KIAA1217: variants seen among roughly 807,000 people sequenced by gnomAD.
KIAA1217 encodes the protein KIAA1217.
KIAA1217 carries 88 observed loss-of-function variants against 163.9 expected under a neutral mutation model. The observed-to-expected ratio is 0.54, with a 90% CI of 0.45 to 0.64. KIAA1217 has a LOEUF of 0.64. Among genes scored for constraint, KIAA1217 ranks in the 30% least tolerant of loss-of-function variants. KIAA1217 has a pLI of 0.00. For synonymous variants in KIAA1217, 903 were observed against 923.1 expected (o/e 0.98, Z 0.39); for missense variants, 2,372 against 2,475.0 (o/e 0.96, Z 0.88).
At chr10:23,794,729 A>G (rs1340730472) in intron 1 of KIAA1217, among the ~76,000 whole-genome samples, 2 of 152,232 alleles carry the variant, frequency 1.3e-5, no homozygotes, top group Non-Finnish European at 2.9e-5. Flanking sequence ...TAAATGTGTA[A>G]TGGATCACCT....
intron 3 of KIAA1217, among the ~76,000 whole-genome samples, chr10:24,418,892 C>T (rs369767422): frequency 6.6e-6 from 1 of 151,458 alleles, no homozygotes; most frequent in Non-Finnish European, 1.5e-5. Flanking sequence ...TTAAGAAAAT[C>T]TCTGCTGGGT....
At chr10:24,391,333 CTTTTTTTTTT>C (rs768727392) in intron 3 of KIAA1217, among the ~76,000 whole-genome samples, 6 of 29,890 alleles carry the variant, frequency 2.0e-4, no homozygotes, top group African/African-American at 1.0e-3. Context: ...TTCTTTCTTT[CTTTTTTTTTT>C]TTTTTTTTTT....
intron 2 of KIAA1217, among the ~76,000 whole-genome samples, chr10:24,263,975 A>T (rs2075962540): frequency 6.6e-6 from 1 of 152,044 alleles, no homozygotes; most frequent in Non-Finnish European, 1.5e-5. Flanking sequence ...CCCCTGCCTT[A>T]GCCTCCCGAG....
At chr10:24,042,394 G>A (rs900421352) in intron 2 of KIAA1217, 3 of 152,166 alleles carry the variant, frequency 2.0e-5, no homozygotes, top group Non-Finnish European at 2.9e-5. Context: ...AACAGCTTAG[G>A]TGAGAAGATT....
Position 23,811,415 on chromosome 10 carries a change from A to G in KIAA1217, c.-321+116181A>G, listed in dbSNP as rs147028476. 1.9e-3 allele frequency among the ~76,000 whole-genome samples: 285 copies of G among 151,098 alleles called. 14 individuals carry two copies. In the East Asian group the frequency reaches 0.027, roughly 14 times the overall value. ...GGGACTGGAGAGGGAAAAAAGGGGA[A>G]CTCAGTTTTGGCCAAAATGCTCCAT... On this transcript the variant is annotated intron_variant, in intron 1 of 18. Coordinates refer to the KIAA1217 transcript ENST00000376462.
chr10:23,916,785 A>AAT (rs1292625521), intron 1 of KIAA1217, among the ~76,000 whole-genome samples: 2 of 152,008 alleles, frequency 1.3e-5, no homozygotes, highest in African/African-American at 2.4e-5. Context: ...CACCCTGGCT[A>AAT]ATATGGTGAA....
In KIAA1217 at chr10:23,812,733, A is replaced by G. The variant is rs28534890; in HGVS notation, c.-321+117499A>G. On this transcript the variant is annotated intron_variant, in intron 1 of 18. Transcript: ENST00000376462. ...TCCAGCACTAGTTTACCATTCACTT[A>G]TTTTCTTTCACAGTAGATTTGTCTA... Among the ~76,000 whole-genome samples the G allele has an allele frequency of 7.1e-3, 1,074 of 152,056 alleles. 19 individuals are homozygous for G. Among genetic ancestry groups the G allele is most frequent in the African/African-American group, 0.025 (1,031 of 41,456 alleles).
chr10:24,499,711 A>G (rs1311527713), intron 8 of KIAA1217, among the ~76,000 whole-genome samples: 1 of 152,068 alleles, frequency 6.6e-6, no homozygotes, highest in East Asian at 1.9e-4. Flanking sequence ...CAGCCTGGAC[A>G]AGACAGAGCG....
In KIAA1217 at chr10:24,209,248, A is replaced by G. The variant is rs201449304; in HGVS notation, c.55A>G (p.Arg19Gly). 4.7e-5 allele frequency: 76 copies of G among 1,613,614 alleles called. No homozygotes were observed. Among genetic ancestry groups the G allele is most frequent in the Middle Eastern group, 3.3e-4 (2 of 6,056 alleles). ...CEPCLPYSADRRQMQEQGKGN... is the reference protein window; with the variant it reads ...CEPCLPYSADGRQMQEQGKGN... ...GCCGTGCCTTCCTTACTCAGCAGACAGAAGACAGATGCAGGGTAAGTAACA... is the reference window on the plus strand; with the variant it reads ...GCCGTGCCTTCCTTACTCAGCAGACGGAAGACAGATGCAGGGTAAGTAACA... Residue 19 changes from arginine to glycine, a missense_variant, in exon 1 of 21, where the codon AGA becomes GGA. Arg to Gly is a moderately radical substitution (Grantham distance 125). Transcript: ENST00000376454.
chr10:24,517,010 A>T (rs773828150), intron 10 of KIAA1217, among the ~76,000 whole-genome samples: 34 of 152,106 alleles, frequency 2.2e-4, no homozygotes, highest in South Asian at 4.2e-4. Flanking sequence ...TCTACAAAAT[A>T]AAAATTAAAA....
At chr10:24,263,830 T>C (rs1241495307) in intron 2 of KIAA1217, among the ~76,000 whole-genome samples, 1 of 152,162 alleles carries the variant, frequency 6.6e-6, no homozygotes, top group African/African-American at 2.4e-5. Context: ...AGGATAATTA[T>C]AGATACTCTA....
At chr10:24,094,902 C>G (rs183894828) in intron 2 of KIAA1217, among the ~76,000 whole-genome samples, 3 of 152,194 alleles carry the variant, frequency 2.0e-5, no homozygotes, top group African/African-American at 7.2e-5. Flanking sequence ...TCGAGCTTCC[C>G]GGCTGCTTTG....
intron 2 of KIAA1217, among the ~76,000 whole-genome samples, chr10:24,201,864 G>C (rs2067273047): frequency 6.6e-6 from 1 of 152,188 alleles, no homozygotes; most frequent in African/African-American, 2.4e-5. Context: ...CAAAGCAGGG[G>C]CTACAGTGAG....
At chr10:24,058,068 A>G (rs1202920828) in intron 2 of KIAA1217, among the ~76,000 whole-genome samples, 1 of 152,138 alleles carries the variant, frequency 6.6e-6, no homozygotes, top group Non-Finnish European at 1.5e-5. Flanking sequence ...TTGAGTTGAC[A>G]TTTTTGTACA....
At chr10:24,388,271 C>A (rs2054306354) in intron 3 of KIAA1217, among the ~76,000 whole-genome samples, 1 of 152,218 alleles carries the variant, frequency 6.6e-6, no homozygotes, top group Non-Finnish European at 1.5e-5. Context: ...ACTGTCTGAT[C>A]TTTGACAAAC....
intron 2 of KIAA1217, among the ~76,000 whole-genome samples, chr10:24,316,168 C>G (rs1223717131): frequency 6.6e-6 from 1 of 152,116 alleles, no homozygotes; most frequent in East Asian, 1.9e-4. Flanking sequence ...GCTGTGTGTA[C>G]TCCAACAGGT....
intron 2 of KIAA1217, among the ~76,000 whole-genome samples, chr10:24,288,446 A>G (rs1483536737): frequency 1.3e-5 from 2 of 152,232 alleles, no homozygotes; most frequent in African/African-American, 4.8e-5. Context: ...CCATGCCTTC[A>G]GCAAGCACAT....
intron 2 of KIAA1217, among the ~76,000 whole-genome samples, chr10:24,150,061 A>G (rs1365786344): frequency 6.6e-6 from 1 of 152,094 alleles, no homozygotes; most frequent in Non-Finnish European, 1.5e-5. Context: ...TTTGTTGCCC[A>G]GCGTAGAGTG....
chr10:24,444,417 T>TC (rs142222707), intron 5 of KIAA1217, among the ~76,000 whole-genome samples: 1,877 of 152,300 alleles, frequency 0.012, 34 homozygotes, highest in African/African-American at 0.04. Flanking sequence ...AATTCATCTT[T>TC]CCCTTTTGGG....
Sources: gnomAD v4.1 joint callset for allele counts (sites outside exome capture counted in the v4.1 genomes callset) on GRCh38, gnomAD v4.1.1 for gene constraint, MANE v1.5 for transcripts, NCBI Gene and HGNC (gene_info 2026-07-23, HGNC 2026-07-21) for gene names.